Variants in CNTNAP2 observed in about 807,000 individuals in gnomAD.
CNTNAP2 encodes contactin-associated protein-like 2.
In CNTNAP2, 98 loss-of-function variants were observed where a neutral mutation model predicts 155.2. The observed-to-expected ratio is 0.63, with a 90% confidence interval of 0.54 to 0.75. CNTNAP2 has a LOEUF of 0.75. Among genes scored for constraint, CNTNAP2 ranks in the 30% least tolerant of loss-of-function variants. The probability of loss-of-function intolerance (pLI) is 0.00; values close to 1 mark genes in which losing one functional copy is unlikely to be tolerated. For missense variants in CNTNAP2, 1,727 were observed against 1,688.1 expected, an observed-to-expected ratio of 1.02 and a Z score of -0.40; for synonymous variants, 651 against 631.2, an observed-to-expected ratio of 1.03 and a Z score of -0.47.
At chr7:148,196,541 AATG>A (rs1383299988) in intron 18 of CNTNAP2, among the ~76,000 whole-genome samples, 1 of 152,204 alleles carries the variant, frequency 6.6e-6, no homozygotes, top group Non-Finnish European at 1.5e-5. Flanking sequence ...GGGGTCCAGC[AATG>A]ATAACAGCTC....
rs956176123 is a variant in CNTNAP2 at position 146,533,027 on chromosome 7, G to A, written c.98-241244G>A. Among the ~76,000 whole-genome samples, 6 of 148,712 alleles carry A rather than the reference G, an allele frequency of 4.0e-5. No homozygotes were observed. The South Asian group carries it at 8.6e-4, about 21-fold the overall frequency. On this transcript the variant is annotated intron_variant, in intron 1 of 23. Coordinates refer to ENST00000361727, the MANE Select transcript of CNTNAP2 (RefSeq NM_014141.6). ...TGAGGGAGGAGAATTGCTTGAACCC[G>A]GGAGGCAGAGGTTGCAGTGAGCAGA...
At chr7:146,571,488 G>T (rs1798438795) in intron 1 of CNTNAP2, among the ~76,000 whole-genome samples, 1 of 151,976 alleles carries the variant, frequency 6.6e-6, no homozygotes, top group Non-Finnish European at 1.5e-5. Context: ...AAATTACCTT[G>T]CATATCATTA....
intron 2 of CNTNAP2, among the ~76,000 whole-genome samples, chr7:146,799,739 C>A (rs1202548849): frequency 2.0e-5 from 3 of 152,124 alleles, no homozygotes; most frequent in African/African-American, 4.8e-5. Flanking sequence ...AAGTCTGAAC[C>A]TTTCTCTGCT....
At chr7:147,497,567 G>T (rs1222857765) in intron 11 of CNTNAP2, among the ~76,000 whole-genome samples, 1 of 152,212 alleles carries the variant, frequency 6.6e-6, no homozygotes, top group Non-Finnish European at 1.5e-5. Flanking sequence ...CTAAGAATTT[G>T]TCTGTGAAGA....
At chr7:146,514,662 G>GT (rs1034300377) in intron 1 of CNTNAP2, among the ~76,000 whole-genome samples, 57 of 146,032 alleles carry the variant, frequency 3.9e-4, no homozygotes, top group African/African-American at 7.2e-4. Flanking sequence ...AAAGAGTTTT[G>GT]TTTTTTTTTT....
intron 3 of CNTNAP2, among the ~76,000 whole-genome samples, chr7:146,966,504 T>A (rs1797660463): frequency 6.6e-6 from 1 of 152,206 alleles, no homozygotes; most frequent in Admixed American, 6.5e-5. Context: ...TCTTTTAATA[T>A]CTGCAATCTG....
intron 21 of CNTNAP2, among the ~76,000 whole-genome samples, chr7:148,295,147 G>T (rs535755071): frequency 6.6e-6 from 1 of 152,240 alleles, no homozygotes; most frequent in Non-Finnish European, 1.5e-5. Flanking sequence ...ATGTATGTAT[G>T]TGTATACATT....
At chr7:146,432,980 C>G (rs1796192848) in intron 1 of CNTNAP2, among the ~76,000 whole-genome samples, 1 of 152,108 alleles carries the variant, frequency 6.6e-6, no homozygotes, top group African/African-American at 2.4e-5. Flanking sequence ...GAAAGAGACT[C>G]GAGCTAATGA....
At chr7:146,188,068 A>G (rs1225388137) in intron 1 of CNTNAP2, among the ~76,000 whole-genome samples, 1 of 152,220 alleles carries the variant, frequency 6.6e-6, no homozygotes, top group Non-Finnish European at 1.5e-5. Context: ...AAATTAAAAC[A>G]TATCACAATA....
chr7:147,009,626 A>T (rs543428586), intron 3 of CNTNAP2, among the ~76,000 whole-genome samples: 73 of 152,340 alleles, frequency 4.8e-4, no homozygotes, highest in South Asian at 1.4e-3. Flanking sequence ...ATCATTTCAG[A>T]TAAAAATAAG....
intron 1 of CNTNAP2, among the ~76,000 whole-genome samples, chr7:146,331,060 T>G (rs1179161760): frequency 7.2e-5 from 11 of 152,008 alleles, no homozygotes; most frequent in Admixed American, 7.2e-4. Flanking sequence ...ATCCCAGCAC[T>G]TTGGGAGGCC....
chr7:147,104,873 C>CAT (rs56674675), intron 4 of CNTNAP2, among the ~76,000 whole-genome samples: 7,036 of 96,746 alleles, frequency 0.073, 306 homozygotes, highest in Non-Finnish European at 0.097. Flanking sequence ...CTTCCTCCCT[C>CAT]ATATATATAT....
intron 1 of CNTNAP2, among the ~76,000 whole-genome samples, chr7:146,389,131 A>T (rs543357125): frequency 2.7e-4 from 41 of 152,286 alleles, no homozygotes; most frequent in Admixed American, 5.2e-4. Flanking sequence ...TGATTATTAT[A>T]TTCGCAAAAG....
chr7:148,026,793 C>T (rs1006014195), intron 15 of CNTNAP2, among the ~76,000 whole-genome samples: 1 of 152,132 alleles, frequency 6.6e-6, no homozygotes, highest in Admixed American at 6.5e-5. Flanking sequence ...AGCAAGATTT[C>T]TCGTATGAAA....
chr7:146,425,329 A>C (rs1796072461), intron 1 of CNTNAP2, among the ~76,000 whole-genome samples: 1 of 152,186 alleles, frequency 6.6e-6, no homozygotes, highest in African/African-American at 2.4e-5. Flanking sequence ...CCATTACCTG[A>C]ACTGTTGCCA....
intron 20 of CNTNAP2, among the ~76,000 whole-genome samples, chr7:148,238,032 A>G (rs1335280072): frequency 6.6e-6 from 1 of 152,206 alleles, no homozygotes; most frequent in African/African-American, 2.4e-5. Flanking sequence ...TATTAGTCCC[A>G]TTATATACAT....
rs35756000 is a variant in CNTNAP2, at chr7:147,973,160, T to TAAAAAAA, written c.2256-4687_2256-4681dup. On this transcript the variant is annotated intron_variant, in intron 14 of 23. Transcript: ENST00000361727. ...CAGAGCAAGACCCTGTCTCTAAAAT[T>TAAAAAAA]AAAAAAAAAAAAAAAAAAAAAGTAG... Among the ~76,000 whole-genome samples the TAAAAAAA allele has an allele frequency of 2.9e-4, 35 of 120,834 alleles. 1 individual carries two copies. The highest frequency in any genetic ancestry group is 6.9e-4 in the African/African-American group (20 of 28,944). 79.3% of individuals were successfully genotyped at this position (120,834 alleles called of 152,430 possible).
intron 8 of CNTNAP2, among the ~76,000 whole-genome samples, chr7:147,245,452 G>T (rs992866506): frequency 9.2e-5 from 14 of 152,048 alleles, no homozygotes; most frequent in African/African-American, 3.1e-4. Flanking sequence ...TTCATCCCGG[G>T]TTGGTCCAGA....
chr7:148,240,429 T>C (rs566333793), intron 20 of CNTNAP2, among the ~76,000 whole-genome samples: 2 of 152,238 alleles, frequency 1.3e-5, no homozygotes, highest in East Asian at 1.9e-4. Context: ...AAGAGAATAT[T>C]AGCAGTTTGG....
Sources: gnomAD v4.1 joint callset for allele counts (sites outside exome capture counted in the v4.1 genomes callset) on GRCh38, gnomAD v4.1.1 for gene constraint, MANE v1.5 for transcripts, NCBI Gene and HGNC (gene_info 2026-07-23, HGNC 2026-07-21) for gene names.